ESR1: variants seen among roughly 807,000 people sequenced by gnomAD.
ESR1 encodes the protein estrogen receptor 1.
Under a neutral mutation model 52.7 loss-of-function variants are expected in ESR1, and 12 were observed. The ratio of observed to expected loss-of-function variants is 0.23; its 90% CI spans 0.15 to 0.37. The LOEUF (loss-of-function observed/expected upper bound fraction) is 0.37. Ranked by LOEUF, ESR1 falls within the 10% of genes least tolerant of loss-of-function variation. The pLI, the probability that ESR1 is intolerant of heterozygous loss-of-function variation, is 1.00. For missense variants in ESR1, 584 were observed against 779.7 expected (o/e 0.75, Z 2.99); for synonymous variants, 305 against 316.8 (o/e 0.96, Z 0.39).
chr6:152,067,859 T>C (rs941756916), intron 6 of ESR1, among the ~76,000 whole-genome samples: 1 of 152,070 alleles, frequency 6.6e-6, no homozygotes, highest in Non-Finnish European at 1.5e-5. Context: ...GAAAAAATGC[T>C]CCCCTGATTC....
chr6:151,893,460 A>ATTATATTTTTTATATTTTATATATAAAAT (rs1794995403), intron 3 of ESR1, among the ~76,000 whole-genome samples: 1 of 151,762 alleles, frequency 6.6e-6, no homozygotes, highest in African/African-American at 2.4e-5. Context: ...TATTTAGGTG[A>ATTATATTTTTTATATTTTATATATAAAAT]TTATATTTTT....
intron 1 of ESR1, among the ~76,000 whole-genome samples, chr6:151,674,015 C>CT (rs921663316): frequency 5.9e-5 from 9 of 152,058 alleles, no homozygotes; most frequent in Non-Finnish European, 1.2e-4. Context: ...GCATCATTTT[C>CT]TTTTTTTTAA....
At chr6:151,894,431 C>T (rs1193240981) in intron 3 of ESR1, among the ~76,000 whole-genome samples, 1 of 151,954 alleles carries the variant, frequency 6.6e-6, no homozygotes, top group African/African-American at 2.4e-5. Context: ...GTTGCATTTG[C>T]TTTTGGGTTT....
chr6:151,906,949 A>G (rs1026598690), intron 3 of ESR1, among the ~76,000 whole-genome samples: 3 of 151,772 alleles, frequency 2.0e-5, no homozygotes, highest in African/African-American at 7.3e-5. Flanking sequence ...AGGTAGGAAT[A>G]TAACTTAATT....
At chr6:151,820,118 T>C (rs905169133) in intron 1 of ESR1, among the ~76,000 whole-genome samples, 2 of 152,100 alleles carry the variant, frequency 1.3e-5, no homozygotes, top group African/African-American at 4.8e-5. Context: ...TCTTGGTCCA[T>C]TGATATGGAG....
chr6:151,996,713 A>C (rs575829610), intron 4 of ESR1, among the ~76,000 whole-genome samples: 12 of 152,166 alleles, frequency 7.9e-5, no homozygotes, highest in Non-Finnish European at 1.6e-4. Context: ...AGGTTCATCC[A>C]TCTCAATAGA....
upstream of ESR1, among the ~76,000 whole-genome samples, chr6:151,801,367 A>G (rs375769669): frequency 2.6e-5 from 4 of 152,222 alleles, no homozygotes; most frequent in South Asian, 4.1e-4. Context: ...GTTAAAAGAA[A>G]TTTTCCCAGA....
intron 7 of ESR1, among the ~76,000 whole-genome samples, chr6:152,095,925 A>G (rs935264356): frequency 1.3e-5 from 2 of 152,228 alleles, no homozygotes; most frequent in African/African-American, 4.8e-5. Flanking sequence ...GAGCTAAGGA[A>G]GGACATCAGC....
At chr6:151,676,182 G>A (rs1425245238) in intron 1 of ESR1, among the ~76,000 whole-genome samples, 4 of 152,144 alleles carry the variant, frequency 2.6e-5, no homozygotes, top group South Asian at 2.1e-4. Flanking sequence ...CAGACAGGAG[G>A]TGCCCGAAGG....
At chr6:151,875,817 C>T (rs2175898) in intron 2 of ESR1, among the ~76,000 whole-genome samples, 119,452 of 152,044 alleles carry the variant, frequency 0.79, 47,993 homozygotes, top group African/African-American at 0.92. Context: ...GGAGTTAGAG[C>T]GGGGAGAGAA....
intron 5 of ESR1, among the ~76,000 whole-genome samples, chr6:152,039,751 C>G (rs2045628496): frequency 1.3e-5 from 2 of 152,138 alleles, no homozygotes; most frequent in Admixed American, 6.5e-5. Flanking sequence ...CCCAGCCCTG[C>G]AAAGTATTGT....
intron 2 of ESR1, among the ~76,000 whole-genome samples, chr6:151,854,670 T>A (rs946496298): frequency 2.0e-5 from 3 of 152,136 alleles, no homozygotes; most frequent in Non-Finnish European, 2.9e-5. Context: ...AGTAGAGAAT[T>A]TCTAAATTAG....
intron 4 of ESR1, among the ~76,000 whole-genome samples, chr6:152,009,696 C>T (rs1255209074): frequency 6.6e-6 from 1 of 152,096 alleles, no homozygotes; most frequent in Non-Finnish European, 1.5e-5. Context: ...AAACATCCAC[C>T]TGGCATGCTA....
chr6:151,677,842 T>C (rs1353103781), intron 1 of ESR1, among the ~76,000 whole-genome samples: 1 of 152,236 alleles, frequency 6.6e-6, no homozygotes, highest in Non-Finnish European at 1.5e-5. Context: ...TTTGGAAGAT[T>C]GTATTGTTTC....
At chr6:151,784,854 AT>A (rs2128125554) in intron 2 of ESR1, among the ~76,000 whole-genome samples, 1 of 152,264 alleles carries the variant, frequency 6.6e-6, no homozygotes, top group African/African-American at 2.4e-5. Flanking sequence ...GGCTGGTGCA[AT>A]TGCAGAGGTT....
intron 3 of ESR1, among the ~76,000 whole-genome samples, chr6:151,906,424 T>C (rs1036510023): frequency 1.3e-5 from 2 of 151,954 alleles, no homozygotes; most frequent in Non-Finnish European, 2.9e-5. Context: ...TAAAAATAAG[T>C]TGATAGTGAA....
At position 151,837,757 on chromosome 6, in the gene ESR1, A is replaced by G. The variant is rs556155317; in HGVS notation, c.453-4840A>G. Among the ~76,000 whole-genome samples, 55 of 152,290 alleles carry G rather than the reference A, an allele frequency of 3.6e-4. 1 individual carries two copies. Among genetic ancestry groups the G allele is most frequent in the African/African-American group, 1.2e-3 (50 of 41,564 alleles). On this transcript the variant is annotated intron_variant, in intron 1 of 7. Transcript: ENST00000206249. ...GTCAACTTTCTATCTGAGTCTTAAGAGAAAGTGTCCAAGATGAGAAACGGT... is the reference window on the plus strand; with the variant it reads ...GTCAACTTTCTATCTGAGTCTTAAGGGAAAGTGTCCAAGATGAGAAACGGT...
chr6:151,957,688 G>A (rs993666562), intron 4 of ESR1, among the ~76,000 whole-genome samples: 1 of 152,130 alleles, frequency 6.6e-6, no homozygotes, highest in Non-Finnish European at 1.5e-5. Flanking sequence ...ATACTTAAAT[G>A]AATTAGGTAC....
At chr6:151,925,773 A>G (rs2032626967) in intron 3 of ESR1, among the ~76,000 whole-genome samples, 1 of 151,592 alleles carries the variant, frequency 6.6e-6, no homozygotes, top group Non-Finnish European at 1.5e-5. Flanking sequence ...CACTCTCTTA[A>G]TTGTTTTTTT....
Sources: gnomAD v4.1 joint callset for allele counts (sites outside exome capture counted in the v4.1 genomes callset) on GRCh38, gnomAD v4.1.1 for gene constraint, MANE v1.5 for transcripts, NCBI Gene and HGNC (gene_info 2026-07-23, HGNC 2026-07-21) for gene names.